AATF: variants seen among roughly 807,000 people sequenced by gnomAD.
The protein encoded by AATF is apoptosis antagonizing transcription factor, also known as protein AATF.
A neutral mutation model predicts 63.7 loss-of-function variants in AATF; 48 were observed. The observed-to-expected ratio is 0.75, with a 90% CI of 0.60 to 0.96. AATF has a LOEUF of 0.96. Ranked by LOEUF, AATF falls within the 40% of genes least tolerant of loss-of-function variation. The pLI is 0.00. For synonymous variants in AATF, 258 were observed against 247.7 expected, an observed-to-expected ratio of 1.04 and a Z score of -0.39; for missense variants, 639 against 685.7, an observed-to-expected ratio of 0.93 and a Z score of 0.76.
At chr17:36,960,421 T>C (rs1375493281) in intron 4 of AATF, among the ~76,000 whole-genome samples, 1 of 152,204 alleles carries the variant, frequency 6.6e-6, no homozygotes, top group Non-Finnish European at 1.5e-5. Flanking sequence ...TGATAATGTT[T>C]TGTTTTTAAA....
rs2071552782 is a variant in AATF at position 37,031,663 on chromosome 17, A to C, written c.1597A>C (p.Thr533Pro). Residue 533 changes from threonine (T) to proline (P), a missense_variant, in exon 11 of 12, where the codon ACT becomes CCT. Physicochemically the swap from Thr to Pro is conservative, Grantham distance 38. Coordinates refer to ENST00000619387, the MANE Select transcript of AATF (RefSeq NM_012138.4). ...GAGTTTCATGGCACCTATTGACCATACTACAATGAATGATGATGCCAGGTG... is the reference window on the plus strand; with the variant it reads ...GAGTTTCATGGCACCTATTGACCATCCTACAATGAATGATGATGCCAGGTG... ...LLSFMAPIDHTTMNDDARTEL... is the reference protein window; with the variant it reads ...LLSFMAPIDHPTMNDDARTEL... The C allele has an allele frequency of 1.2e-6, 2 of 1,613,978 alleles. No homozygotes were observed. The highest frequency in any genetic ancestry group is 1.7e-6 in the Non-Finnish European group (2 of 1,179,966).
intron 4 of AATF, among the ~76,000 whole-genome samples, chr17:36,984,009 A>G (rs1218081274): frequency 6.6e-6 from 1 of 152,218 alleles, no homozygotes; most frequent in Non-Finnish European, 1.5e-5. Context: ...TAACTCATGT[A>G]TTGGTGTCCT....
Position 36,988,946 on chromosome 17 carries a change from C to T in AATF, c.1149+226C>T, listed in dbSNP as rs2071191526. ...GAATGTTTTATTCTTAAAATTGAGG[C>T]CTTGTAAGTGTTCAAGTGCTGAAAA... On this transcript the variant is annotated intron_variant, in intron 6 of 11. Coordinates refer to ENST00000619387, the MANE Select transcript of AATF (RefSeq NM_012138.4). Among the ~76,000 whole-genome samples, 4 of 152,198 alleles carry T rather than the reference C, an allele frequency of 2.6e-5. 1 individual carries two copies. Among genetic ancestry groups the T allele is most frequent in the Non-Finnish European group, 5.9e-5 (4 of 68,010 alleles).
At chr17:37,029,163 A>G (rs187288199) in intron 10 of AATF, among the ~76,000 whole-genome samples, 19 of 152,188 alleles carry the variant, frequency 1.2e-4, no homozygotes, top group Admixed American at 9.8e-4. Context: ...GGCTTAAGCA[A>G]TCCTTCCACC....
Position 36,953,171 on chromosome 17 carries a change from A to G in AATF, c.569A>G (p.Gln190Arg). Reference protein sequence around the residue: ...MEEGDDAEDSQGESEEDRAGD... With the variant: ...MEEGDDAEDSRGESEEDRAGD... ...GAAGGGGATGACGCGGAAGACTCCC[A>G]AGGCGAGAGTGAGGAAGACAGGGCT... Residue 190 changes from glutamine to arginine, a missense_variant, in exon 3 of 12, where the codon CAA becomes CGA. Physicochemically the swap from Gln to Arg is conservative, Grantham distance 43. Transcript: ENST00000619387. The G allele has an allele frequency of 6.2e-7, 1 of 1,614,212 alleles. No individual in the cohort carries two copies. Among genetic ancestry groups the G allele is most frequent in the Middle Eastern group, 1.6e-4 (1 of 6,062 alleles).
At chr17:36,959,960 A>T (rs1373599156) in intron 4 of AATF, among the ~76,000 whole-genome samples, 2 of 152,014 alleles carry the variant, frequency 1.3e-5, no homozygotes, top group African/African-American at 4.8e-5. Flanking sequence ...TTACACTCTC[A>T]TATCTTTGTG....
At chr17:37,024,329 C>T (rs1410369693) in intron 10 of AATF, among the ~76,000 whole-genome samples, 3 of 152,200 alleles carry the variant, frequency 2.0e-5, no homozygotes, top group Admixed American at 2.0e-4. Flanking sequence ...AGAATGTGTA[C>T]AAAAAGGTTT....
chr17:36,990,851 C>T lies in AATF; in HGVS notation c.1392C>T (p.Tyr464=). 2 of 1,580,988 alleles carry T rather than the reference C, an allele frequency of 1.3e-6. No individual in the cohort carries two copies. Among genetic ancestry groups the T allele is most frequent in the Middle Eastern group, 1.7e-4 (1 of 5,990 alleles). ...AAATCTTTGATGATGATGACTTTTA[C>T]CACCAGGTGAGACTTTTACACTCTC... The part of the protein sequence containing the change: ...DEEIFDDDDF[Y]HQLLRELIER... The change falls in exon 8 of 12, where the codon TAC becomes TAT. Residue 464 remains tyrosine, a synonymous_variant. Coordinates refer to ENST00000619387, the MANE Select transcript of AATF (RefSeq NM_012138.4).
chr17:37,041,267 T>C (rs892681446), intron 11 of AATF, among the ~76,000 whole-genome samples: 2 of 152,228 alleles, frequency 1.3e-5, no homozygotes, highest in African/African-American at 2.4e-5. Context: ...TTATGGAATA[T>C]GTATTATTGT....
At chr17:37,037,485 G>A (rs903354186) in intron 11 of AATF, among the ~76,000 whole-genome samples, 4 of 152,164 alleles carry the variant, frequency 2.6e-5, no homozygotes, top group African/African-American at 9.7e-5. Context: ...CAGGGCTGTT[G>A]TTCACTTCTC....
intron 8 of AATF, among the ~76,000 whole-genome samples, chr17:36,996,589 G>A (rs1244478846): frequency 6.6e-6 from 1 of 152,148 alleles, no homozygotes; most frequent in Non-Finnish European, 1.5e-5. Flanking sequence ...TGTATACCAT[G>A]TGTAAGAATG....
chr17:36,969,506 G>T (rs753144384), intron 4 of AATF, among the ~76,000 whole-genome samples: 4 of 152,154 alleles, frequency 2.6e-5, no homozygotes. Context: ...TTTTCTAGAG[G>T]TGCTGGGCAC....
chr17:37,001,435 GGAAGGAAGGAAGGAAGGAAGA>G (rs1240521565), intron 8 of AATF, among the ~76,000 whole-genome samples: 66 of 124,740 alleles, frequency 5.3e-4, no homozygotes, highest in African/African-American at 2.0e-3. Context: ...AAGGAAGGAA[GGAAGGAAGGAAGGAAGGAAGA>G]AAAAAAAAAA....
At chr17:36,970,534 CTT>C (rs796201918) in intron 4 of AATF, among the ~76,000 whole-genome samples, 1 of 125,694 alleles carries the variant, frequency 8.0e-6, no homozygotes, top group African/African-American at 5.0e-5. Context: ...TTCTTTCTTT[CTT>C]TTTTCTTTTT....
chr17:36,980,658 G>A (rs2071115571), intron 4 of AATF, among the ~76,000 whole-genome samples: 1 of 152,032 alleles, frequency 6.6e-6, no homozygotes, highest in South Asian at 2.1e-4. Context: ...TGTTTTGGCT[G>A]GGAAGAATTC....
chr17:37,007,982 A>G (rs574456919), intron 8 of AATF, among the ~76,000 whole-genome samples: 24 of 152,328 alleles, frequency 1.6e-4, no homozygotes, highest in African/African-American at 5.8e-4. Context: ...TTTTAAATGT[A>G]TGACTTACCA....
chr17:36,960,983 G>A (rs1028926233), intron 4 of AATF, among the ~76,000 whole-genome samples: 7 of 152,122 alleles, frequency 4.6e-5, no homozygotes, highest in Non-Finnish European at 8.8e-5. Context: ...CTACTGCCCA[G>A]AGATAACCAT....
intron 8 of AATF, 34 bp downstream of exon 8, chr17:36,990,891 GT>G (rs1359260594): frequency 1.4e-6 from 2 of 1,454,742 alleles, no homozygotes; most frequent in Non-Finnish European, 1.9e-6. Flanking sequence ...TACAAATCAT[GT>G]TTTAGCATTT....
At chr17:37,044,946 G>A (rs1405151829) in intron 11 of AATF, among the ~76,000 whole-genome samples, 1 of 152,208 alleles carries the variant, frequency 6.6e-6, no homozygotes, top group African/African-American at 2.4e-5. Flanking sequence ...TTCGGTCAGT[G>A]TTCTGGACTC....
Sources: gnomAD v4.1 joint callset for allele counts (sites outside exome capture counted in the v4.1 genomes callset) on GRCh38, gnomAD v4.1.1 for gene constraint, MANE v1.5 for transcripts, NCBI Gene and HGNC (gene_info 2026-07-23, HGNC 2026-07-21) for gene names.